The following LIPN variants were observed in gnomAD, a reference collection of about 807,000 sequenced individuals.
The protein encoded by LIPN is lipase family member N.
A neutral mutation model predicts 43.7 loss-of-function variants in LIPN; 32 were observed. The ratio of observed to expected loss-of-function variants is 0.73; its 90% CI spans 0.55 to 0.98. The LOEUF is 0.98. LIPN is among the 50% of genes least tolerant of loss of function. The probability of loss-of-function intolerance (pLI) is 0.00; values close to 1 mark genes in which losing one functional copy is unlikely to be tolerated. For synonymous variants in LIPN, 156 were observed against 157.6 expected (o/e 0.99, Z 0.08); for missense variants, 505 against 483.8 (o/e 1.04, Z -0.41).
In LIPN at chr10:88,778,326, G is replaced by T; in HGVS notation, c.*84G>T. The T allele has an allele frequency of 1.1e-6, 1 of 946,878 alleles. No individual in the cohort carries two copies. Among genetic ancestry groups the T allele is most frequent in the Non-Finnish European group, 1.6e-6 (1 of 620,590 alleles). 58.7% of individuals were successfully genotyped at this position (946,878 alleles called of 1,614,324 possible). ...AAAAATAGTAACCAACAATGAGGTT[G>T]TCCCCCAGCACCCTGGGGGAGATGC... On this transcript the variant is annotated 3_prime_UTR_variant, in exon 10 of 10. Transcript: ENST00000404459.
chr10:88,758,580 GAAC>G (rs1320405031), upstream of LIPN, among the ~76,000 whole-genome samples: 1 of 147,892 alleles, frequency 6.8e-6, no homozygotes, highest in East Asian at 2.0e-4. Flanking sequence ...AAATATTGTA[GAAC>G]AATATATAAT....
intron 7 of LIPN, among the ~76,000 whole-genome samples, chr10:88,773,757 A>G (rs554096500): frequency 2.0e-5 from 3 of 152,092 alleles, no homozygotes; most frequent in Admixed American, 2.0e-4. Flanking sequence ...ACTGAAACCC[A>G]TAAGGAACCA....
In LIPN at chr10:88,764,544, G is replaced by A; in HGVS notation, c.361G>A (p.Gly121Arg). ...GYDVWMGNSR[G>R]NTWSRRHKTL... is the part of the protein sequence containing the mutation. ...TGATGTATGGATGGGAAACAGTCGG[G>A]GAAACACTTGGTCAAGAAGACACAA... The change falls in exon 4 of 10, where the codon GGA becomes AGA. Residue 121 changes from glycine (G) to arginine (R), a missense_variant. Coordinates refer to ENST00000404459, the MANE Select transcript of LIPN (RefSeq NM_001102469.2). 6.2e-7 allele frequency: 1 copy of A among 1,611,706 alleles called. No homozygotes were observed. The highest frequency in any genetic ancestry group is 8.5e-7 in the Non-Finnish European group (1 of 1,178,680).
chr10:88,774,551 T>C lies in LIPN; in HGVS notation c.891+7T>C, dbSNP rs1321864040. On this transcript the variant is annotated splice_region_variant and intron_variant, in intron 8 of 9. Transcript: ENST00000404459. ...CATTCTGCATATAAAACAGGTAGAG[T>C]CTTAGTCATGGAAAACCATTCCAAT... is the stretch of plus-strand genomic sequence containing the variant. The C allele has an allele frequency of 6.2e-7, 1 of 1,606,112 alleles. No homozygotes were observed. The highest frequency in any genetic ancestry group is 8.5e-7 in the Non-Finnish European group (1 of 1,173,630).
intron 9 of LIPN, among the ~76,000 whole-genome samples, chr10:88,777,014 T>C (rs1053610846): frequency 2.0e-5 from 3 of 152,132 alleles, no homozygotes; most frequent in African/African-American, 7.2e-5. Flanking sequence ...CAACATATTT[T>C]TAGTATTGAA....
At chr10:88,768,708 AT>A in intron 5 of LIPN, 83 bp from the exon 6 acceptor site, 1 of 1,148,536 alleles carries the variant, frequency 8.7e-7, no homozygotes, top group Non-Finnish European at 1.2e-6. Context: ...GAAGGAAAAA[AT>A]GACTAAGCAG....
At chr10:88,762,735 T>A (rs1221484084) in intron 3 of LIPN, among the ~76,000 whole-genome samples, 2 of 152,080 alleles carry the variant, frequency 1.3e-5, no homozygotes, top group Non-Finnish European at 2.9e-5. Context: ...GGCCTCCCTC[T>A]GCAGGATAAA....
chr10:88,761,317 A>G (rs1041750449), intron 1 of LIPN, 81 bp from the exon 2 acceptor site: 3 of 866,446 alleles, frequency 3.5e-6, no homozygotes, highest in Non-Finnish European at 5.8e-6. Flanking sequence ...TTAATCATTA[A>G]TAATTTCACT....
intron 7 of LIPN, 122 bp downstream of exon 7, chr10:88,771,113 T>A (rs1340957484): frequency 2.8e-6 from 2 of 715,962 alleles, no homozygotes; most frequent in South Asian, 2.9e-5. Flanking sequence ...TAAAGACAGA[T>A]TTTTTTTTGC....
At chr10:88,767,301 T>A (rs1004313738) in intron 5 of LIPN, among the ~76,000 whole-genome samples, 1 of 151,908 alleles carries the variant, frequency 6.6e-6, no homozygotes, top group African/African-American at 2.4e-5. Flanking sequence ...TCAGTCAGCA[T>A]ATACTAAAAA....
chr10:88,761,540 A>G, intron 2 of LIPN, 27 bp downstream of exon 2: 2 of 1,493,178 alleles, frequency 1.3e-6, no homozygotes, highest in Non-Finnish European at 1.9e-6. Flanking sequence ...TGTGAAGAAC[A>G]TCAAATAAAG....
chr10:88,772,213 G>A (rs560381452), intron 7 of LIPN, among the ~76,000 whole-genome samples: 2 of 151,674 alleles, frequency 1.3e-5, no homozygotes, highest in African/African-American at 4.8e-5. Context: ...AGGTTCTTTA[G>A]TTCACTTTGT....
intron 6 of LIPN, 28 bp downstream of exon 6, chr10:88,768,956 G>A (rs753768727): frequency 1.3e-6 from 2 of 1,597,454 alleles, no homozygotes; most frequent in Non-Finnish European, 1.7e-6. Flanking sequence ...AAATGTACCT[G>A]AGGATCTCAT....
At chr10:88,777,132 T>G (rs912191022) in intron 9 of LIPN, among the ~76,000 whole-genome samples, 2 of 152,100 alleles carry the variant, frequency 1.3e-5, no homozygotes, top group African/African-American at 4.8e-5. Context: ...AATTGCCAAA[T>G]TCAATGGCCT....
At chr10:88,770,071 T>G (rs1843179614) in intron 6 of LIPN, among the ~76,000 whole-genome samples, 1 of 151,820 alleles carries the variant, frequency 6.6e-6, no homozygotes. Context: ...TATCTCAGTT[T>G]CACATTTCCC....
At chr10:88,759,870 A>G (rs1016940748), upstream of LIPN, among the ~76,000 whole-genome samples, 15 of 152,032 alleles carry the variant, frequency 9.9e-5, no homozygotes, top group African/African-American at 3.4e-4. Context: ...CATCATGTAG[A>G]CCACTATTTC....
chr10:88,767,240 T>C (rs1442921748), intron 5 of LIPN, among the ~76,000 whole-genome samples: 1 of 151,888 alleles, frequency 6.6e-6, no homozygotes, highest in Non-Finnish European at 1.5e-5. Flanking sequence ...ATATATTCAT[T>C]AGTATTTTAG....
chr10:88,765,362 T>C, intron 4 of LIPN, among the ~76,000 whole-genome samples: 1 of 151,912 alleles, frequency 6.6e-6, no homozygotes, highest in East Asian at 1.9e-4. Flanking sequence ...TAATAAAACA[T>C]TCAGTACCCA....
At chr10:88,765,287 C>T (rs1388965822) in intron 4 of LIPN, among the ~76,000 whole-genome samples, 2 of 151,980 alleles carry the variant, frequency 1.3e-5, no homozygotes, top group African/African-American at 4.8e-5. Flanking sequence ...TTTCTTTCTT[C>T]AGGCCTAAGC....
Sources: gnomAD v4.1 joint callset for allele counts (sites outside exome capture counted in the v4.1 genomes callset) on GRCh38, gnomAD v4.1.1 for gene constraint, MANE v1.5 for transcripts, NCBI Gene and HGNC (gene_info 2026-07-23, HGNC 2026-07-21) for gene names.